MAF: variants seen among roughly 807,000 people sequenced by gnomAD.
The protein encoded by MAF is MAF bZIP transcription factor, also known as transcription factor Maf.
A neutral mutation model predicts 22.0 loss-of-function variants in MAF; 10 were observed. That is an observed-to-expected ratio of 0.45 (90% CI 0.28 to 0.77). MAF has a LOEUF of 0.77. Ranked by LOEUF, MAF falls within the 30% of genes least tolerant of loss-of-function variation. MAF has a pLI of 0.12. For missense variants in MAF, 544 were observed against 548.4 expected (o/e 0.99, Z 0.08); for synonymous variants, 337 against 255.8 (o/e 1.32, Z -3.03).
chr16:79,447,232 C>G, the MAF span, among the ~76,000 whole-genome samples: 8 of 151,230 alleles, frequency 5.3e-5, no homozygotes, highest in African/African-American at 1.5e-4. Context: ...TCTATTTTGC[C>G]TAGGTGCTGT....
the MAF span, among the ~76,000 whole-genome samples, chr16:79,211,330 T>C: frequency 5.3e-5 from 8 of 152,184 alleles, no homozygotes; most frequent in African/African-American, 1.9e-4. Context: ...TGCCACGACG[T>C]ATTGATATGT....
At chr16:79,522,879 G>T in the MAF span, among the ~76,000 whole-genome samples, 1 of 152,180 alleles carries the variant, frequency 6.6e-6, no homozygotes, top group Non-Finnish European at 1.5e-5. Flanking sequence ...CATGCAGTTG[G>T]AGAACTCACA....
At chr16:79,479,506 G>A in the MAF span, among the ~76,000 whole-genome samples, 1 of 152,288 alleles carries the variant, frequency 6.6e-6, no homozygotes, top group Admixed American at 6.5e-5. Context: ...TGTCAGGGCG[G>A]GGCCATCACT....
At chr16:79,521,262 G>C in the MAF span, among the ~76,000 whole-genome samples, 1 of 152,164 alleles carries the variant, frequency 6.6e-6, no homozygotes, top group African/African-American at 2.4e-5. Context: ...CATATCATTG[G>C]ATCTTAATGG....
the MAF span, among the ~76,000 whole-genome samples, chr16:79,514,793 A>T: frequency 6.6e-6 from 1 of 152,202 alleles, no homozygotes; most frequent in Admixed American, 6.5e-5. Flanking sequence ...TTAGCCAACG[A>T]AGTTCACTGA....
At chr16:79,250,092 T>G in the MAF span, among the ~76,000 whole-genome samples, 4 of 152,250 alleles carry the variant, frequency 2.6e-5, no homozygotes, top group African/African-American at 9.6e-5. Flanking sequence ...GCTATGTTGT[T>G]GCCATTTTAG....
the MAF span, among the ~76,000 whole-genome samples, chr16:79,274,441 C>T: frequency 9.2e-5 from 14 of 152,218 alleles, no homozygotes; most frequent in African/African-American, 3.1e-4. Flanking sequence ...ACAAGCTCCC[C>T]AAGGGGACCC....
chr16:79,582,348 T>C (rs1030787923), downstream of MAF, among the ~76,000 whole-genome samples: 4 of 152,170 alleles, frequency 2.6e-5, no homozygotes, highest in African/African-American at 7.2e-5. Context: ...TACAGAAGCA[T>C]CATTTTGTTT....
the MAF span, among the ~76,000 whole-genome samples, chr16:79,400,078 A>G: frequency 2.0e-5 from 3 of 152,212 alleles, no homozygotes; most frequent in Non-Finnish European, 4.4e-5. Flanking sequence ...AGAGTTGACA[A>G]TATCTAGAGA....
chr16:79,445,991 T>C, the MAF span, among the ~76,000 whole-genome samples: 1 of 151,916 alleles, frequency 6.6e-6, no homozygotes, highest in Admixed American at 6.6e-5. Flanking sequence ...CTTCGGACAA[T>C]GACCTCTCAT....
chr16:79,487,575 A>G, the MAF span, among the ~76,000 whole-genome samples: 1 of 152,234 alleles, frequency 6.6e-6, no homozygotes, highest in African/African-American at 2.4e-5. Context: ...AACAGGAAGA[A>G]AAAGCCCCGT....
the MAF span, among the ~76,000 whole-genome samples, chr16:79,429,704 G>C: frequency 6.6e-6 from 1 of 152,104 alleles, no homozygotes; most frequent in East Asian, 1.9e-4. Flanking sequence ...AGGCATTAGA[G>C]GGAGTTGCTG....
chr16:79,584,704 A>C (rs1041111831), downstream of MAF, among the ~76,000 whole-genome samples: 2 of 151,948 alleles, frequency 1.3e-5, no homozygotes, highest in Non-Finnish European at 2.9e-5. Flanking sequence ...GCATGCACAG[A>C]CTCAGACACA....
At chr16:79,524,478 C>T in the MAF span, among the ~76,000 whole-genome samples, 1 of 152,158 alleles carries the variant, frequency 6.6e-6, no homozygotes, top group African/African-American at 2.4e-5. Context: ...CATGAGATCC[C>T]AAAGGTTAAA....
the MAF span, among the ~76,000 whole-genome samples, chr16:79,236,871 C>T: frequency 1.3e-5 from 2 of 150,450 alleles, no homozygotes; most frequent in Admixed American, 1.3e-4. Flanking sequence ...CCATAGGGAG[C>T]ATGCGAGGAC....
chr16:79,567,451 T>C, the MAF span, among the ~76,000 whole-genome samples: 2 of 150,788 alleles, frequency 1.3e-5, no homozygotes, highest in African/African-American at 4.9e-5. Flanking sequence ...AACGGATCCA[T>C]AGAAGCCACA....
the MAF span, among the ~76,000 whole-genome samples, chr16:79,350,367 A>G: frequency 6.6e-6 from 1 of 152,158 alleles, no homozygotes; most frequent in East Asian, 1.9e-4. Context: ...GCGAGTTCTG[A>G]CCCCAGCAAT....
chr16:79,351,418 G>C, the MAF span, among the ~76,000 whole-genome samples: 3 of 152,154 alleles, frequency 2.0e-5, no homozygotes, highest in Non-Finnish European at 4.4e-5. Context: ...CATGCTCCAG[G>C]CTTGCGGGAG....
At chr16:79,244,050 T>C in the MAF span, among the ~76,000 whole-genome samples, 2 of 152,062 alleles carry the variant, frequency 1.3e-5, no homozygotes, top group African/African-American at 4.8e-5. Flanking sequence ...AAACTAGGTA[T>C]TGATGGAACG....
Sources: allele counts gnomAD v4.1 joint callset (sites outside exome capture counted in the v4.1 genomes callset), GRCh38; gene constraint gnomAD v4.1.1; transcripts MANE v1.5; gene names NCBI Gene and HGNC (gene_info 2026-07-23, HGNC 2026-07-21).